Variants in RALGDS observed in about 807,000 individuals in gnomAD.
RALGDS encodes the protein ral guanine nucleotide dissociation stimulator, also known as ral guanine nucleotide exchange factor.
In RALGDS, 44 loss-of-function variants were observed where a neutral mutation model predicts 99.8. That is an observed-to-expected ratio of 0.44 (90% CI 0.35 to 0.57). RALGDS has a LOEUF of 0.57. Among genes scored for constraint, RALGDS ranks in the 20% least tolerant of loss-of-function variants. The pLI is 0.01. For missense variants in RALGDS, 1,022 were observed against 1,203.1 expected (o/e 0.85, Z 2.23); for synonymous variants, 529 against 505.0 (o/e 1.05, Z -0.64).
chr9:133,105,206 G>A (rs911386453), intron 9 of RALGDS, among the ~76,000 whole-genome samples: 2 of 152,280 alleles, frequency 1.3e-5, no homozygotes, highest in African/African-American at 4.8e-5. Context: ...GTGTGTCCAC[G>A]CAGGAGGGGG....
rs1564245703 is a variant in RALGDS, at chr9:133,121,173, GC to G, written c.-20del. On this transcript the variant is annotated 5_prime_UTR_variant, in exon 1 of 18. Transcript: ENST00000372050. Reference sequence around the variant, plus strand: ...GCACCATGGAAGGCTCGCAGCGCGGGCGCGGGGCCGGCCCGGCGCGCGGCGG... The same window carrying G: ...GCACCATGGAAGGCTCGCAGCGCGGGGCGGGGCCGGCCCGGCGCGCGGCGG... 9.1e-7 allele frequency: 1 copy of G among 1,098,956 alleles called. No individual in the cohort carries two copies. Among genetic ancestry groups the G allele is most frequent in the African/African-American group, 1.7e-5 (1 of 59,356 alleles). The allele number at this position is 1,098,956 out of a possible 1,614,324, so 68.1% of individuals were successfully genotyped here.
At chr9:133,113,030 C>G (rs986497359) in intron 1 of RALGDS, among the ~76,000 whole-genome samples, 5 of 152,224 alleles carry the variant, frequency 3.3e-5, no homozygotes, top group Non-Finnish European at 7.3e-5. Context: ...AGACTTCCCC[C>G]ACCTGGCAGG....
At chr9:133,123,981 GAC>G (rs1165325579), upstream of RALGDS, among the ~76,000 whole-genome samples, 4 of 144,922 alleles carry the variant, frequency 2.8e-5, 1 homozygote, top group African/African-American at 1.0e-4. Context: ...TAGAGACAGA[GAC>G]ACAGACACAC....
rs772311456 is a variant in RALGDS at position 133,103,842 on chromosome 9, T to G, written c.1672-9A>C. On this transcript the variant is annotated splice_polypyrimidine_tract_variant and intron_variant, in intron 10 of 17. Coordinates refer to ENST00000372050, the MANE Select transcript of RALGDS (RefSeq NM_006266.4). ...GTGCCCTGGATGATGCCCTGTGACA[T>G]TGGGGTAGGAGGATGAGCAAGGCCC... is the stretch of plus-strand genomic sequence containing the variant. 16 of 1,612,190 alleles carry G rather than the reference T, an allele frequency of 9.9e-6. No homozygotes were observed. Among genetic ancestry groups the G allele is most frequent in the Non-Finnish European group, 1.4e-5 (16 of 1,179,228 alleles).
intron 1 of RALGDS, among the ~76,000 whole-genome samples, chr9:133,113,574 G>T (rs58558654): frequency 0.034 from 5,155 of 152,262 alleles, 298 homozygotes; most frequent in African/African-American, 0.11. Context: ...AAACAGCCCC[G>T]CCAGGGGAGG....
intron 1 of RALGDS, among the ~76,000 whole-genome samples, chr9:133,139,903 A>G (rs374672273): frequency 1.3e-5 from 2 of 152,136 alleles, no homozygotes; most frequent in African/African-American, 4.8e-5. Context: ...AGAGGAGTTA[A>G]GGAACCCACT....
chr9:133,125,390 C>T (rs1055365658), upstream of RALGDS, among the ~76,000 whole-genome samples: 9 of 152,248 alleles, frequency 5.9e-5, no homozygotes, highest in African/African-American at 2.2e-4. Context: ...GTCTTTATGC[C>T]ATTTTCTCTA....
rs775446096 is a variant in RALGDS, at chr9:133,107,303, G to A, written c.1198-3C>T. ...GGCACCACCTTCTTGAACAGTTCCT[G>A]GGGAGGAGGCTAAATGTCACCTGGT... On this transcript the variant is annotated splice_region_variant and splice_polypyrimidine_tract_variant and intron_variant, in intron 6 of 17. Coordinates refer to ENST00000372050, the MANE Select transcript of RALGDS (RefSeq NM_006266.4). 5 of 1,611,434 alleles carry A rather than the reference G, an allele frequency of 3.1e-6. No homozygotes were observed. The highest frequency in any genetic ancestry group is 4.2e-6 in the Non-Finnish European group (5 of 1,178,716).
At chr9:133,119,572 C>T (rs542325105) in intron 1 of RALGDS, among the ~76,000 whole-genome samples, 24 of 152,246 alleles carry the variant, frequency 1.6e-4, no homozygotes, top group Non-Finnish European at 2.8e-4. Flanking sequence ...GGAACCTGCA[C>T]GGCCACTGTG....
At position 133,097,813 on chromosome 9, in the gene RALGDS, A is replaced by ATT; in HGVS notation, c.*772_*773dup. 1.4e-5 allele frequency: 3 copies of ATT among 216,830 alleles called. No individual in the cohort carries two copies. Among genetic ancestry groups the ATT allele is most frequent in the South Asian group, 1.9e-4 (1 of 5,292 alleles). 13.4% of individuals were successfully genotyped at this position (216,830 alleles called of 1,614,324 possible). A position where few individuals can be genotyped will look rare whatever the true frequency, so the allele number is the denominator to read the frequency against. ...GCCCCTCCCCAATCAGTAAACAAAC[A>ATT]TTTTTTTTTTCTTTTTGCTTTTTAT... On this transcript the variant is annotated 3_prime_UTR_variant, in exon 18 of 18. Transcript: ENST00000372050.
intron 1 of RALGDS, among the ~76,000 whole-genome samples, chr9:133,127,220 T>C (rs1832189667): frequency 6.6e-6 from 1 of 152,246 alleles, no homozygotes; most frequent in Non-Finnish European, 1.5e-5. Flanking sequence ...CCCCAGACAG[T>C]GGGCTTTGGG....
At chr9:133,131,884 A>G (rs116779746), upstream of RALGDS, among the ~76,000 whole-genome samples, 1 of 152,338 alleles carries the variant, frequency 6.6e-6, no homozygotes, top group African/African-American at 2.4e-5. Flanking sequence ...AGGATTCCAC[A>G]AGAACTCAGC....
In RALGDS at chr9:133,103,843, T is replaced by G. The variant is rs1830878621; in HGVS notation, c.1672-10A>C. ...TGCCCTGGATGATGCCCTGTGACAT[T>G]GGGGTAGGAGGATGAGCAAGGCCCC... On this transcript the variant is annotated splice_polypyrimidine_tract_variant and intron_variant, in intron 10 of 17. Coordinates refer to ENST00000372050, the MANE Select transcript of RALGDS (RefSeq NM_006266.4). 6.2e-7 allele frequency: 1 copy of G among 1,612,234 alleles called. No homozygotes were observed. Among genetic ancestry groups the G allele is most frequent in the East Asian group, 2.2e-5 (1 of 44,866 alleles).
At position 133,098,641 on chromosome 9, in the gene RALGDS, G is replaced by A. The variant is rs1830601887; in HGVS notation, c.2691C>T (p.Ser897=). The A allele has an allele frequency of 1.2e-6, 2 of 1,614,166 alleles. No individual in the cohort carries two copies. The highest frequency in any genetic ancestry group is 2.2e-5 in the East Asian group (1 of 44,856). The change falls in exon 18 of 18, where the codon TCC becomes TCT. Residue 897 remains serine, a synonymous_variant. Coordinates refer to ENST00000372050, the MANE Select transcript of RALGDS (RefSeq NM_006266.4). ...KGVKVKHGAS[S]TLPRMKQKGL... is the part of the protein sequence containing the mutation. ...CTTTCTGCTTCATGCGAGGGAGGGT[G>A]GAGCTGGCTCCGTGCTTGACCTTCA... is the stretch of plus-strand genomic sequence containing the variant.
chr9:133,103,661 T>A, intron 11 of RALGDS, 86 bp downstream of exon 11: 1 of 1,345,988 alleles, frequency 7.4e-7, no homozygotes, highest in Non-Finnish European at 1.1e-6. Flanking sequence ...TACTCATTGC[T>A]GGGACAGGTG....
At chr9:133,116,135 TGTCC>T (rs1444618812) in intron 1 of RALGDS, among the ~76,000 whole-genome samples, 2 of 30,108 alleles carry the variant, frequency 6.6e-5, no homozygotes, top group Admixed American at 4.5e-4. Context: ...AAGGGCCTCG[TGTCC>T]GTGTCCGTGA....
intron 1 of RALGDS, chr9:133,129,267 T>A: frequency 6.3e-7 from 1 of 1,595,422 alleles, no homozygotes. Context: ...GAGCCCTTCC[T>A]CCCCCTGGGC....
At chr9:133,121,769 G>A (rs1831956635), upstream of RALGDS, among the ~76,000 whole-genome samples, 1 of 152,230 alleles carries the variant, frequency 6.6e-6, no homozygotes, top group African/African-American at 2.4e-5. Context: ...ATGACATTAC[G>A]TAATGGACAT....
chr9:133,133,942 C>T (rs1832385315), upstream of RALGDS, among the ~76,000 whole-genome samples: 1 of 152,218 alleles, frequency 6.6e-6, no homozygotes, highest in Admixed American at 6.5e-5. Context: ...CCTCGCGAAG[C>T]TGTTTACTCG....
Sources: gnomAD v4.1 joint callset for allele counts (sites outside exome capture counted in the v4.1 genomes callset) on GRCh38, gnomAD v4.1.1 for gene constraint, MANE v1.5 for transcripts, NCBI Gene and HGNC (gene_info 2026-07-23, HGNC 2026-07-21) for gene names.